XYLT1: variants seen among roughly 807,000 people sequenced by gnomAD.
The protein encoded by XYLT1 is beta-D-xylosyltransferase 1.
XYLT1 carries 36 observed loss-of-function variants against 91.3 expected under a neutral mutation model. The observed-to-expected ratio is 0.39, with a 90% confidence interval of 0.30 to 0.52. The LOEUF is 0.52. Among genes scored for constraint, XYLT1 ranks in the 20% least tolerant of loss-of-function variants. The pLI, the probability that XYLT1 is intolerant of heterozygous loss-of-function variation, is 0.68. For missense variants in XYLT1, 1,242 were observed against 1,284.5 expected (o/e 0.97, Z 0.51); for synonymous variants, 588 against 532.0 (o/e 1.11, Z -1.45).
rs565453869 is a variant in XYLT1, at chr16:17,402,172, T to G, written c.364-44122A>C. On this transcript the variant is annotated intron_variant, in intron 1 of 11. Transcript: ENST00000261381. ...ACACACACACACACACACAAAAAGT[T>G]AGCCAGGCATGGTGGTGCACACCTG... Among the ~76,000 whole-genome samples, 5 of 150,012 alleles carry G rather than the reference T, an allele frequency of 3.3e-5. No individual in the cohort carries two copies. The South Asian group carries it at 8.4e-4, about 25-fold the overall frequency.
At chr16:17,238,546 C>T (rs541219263) in intron 3 of XYLT1, among the ~76,000 whole-genome samples, 1 of 152,300 alleles carries the variant, frequency 6.6e-6, no homozygotes, top group East Asian at 1.9e-4. Context: ...TCTTTGGACC[C>T]AGGACCCCTG....
At chr16:17,421,943 T>C (rs1386572649) in intron 1 of XYLT1, among the ~76,000 whole-genome samples, 1 of 152,090 alleles carries the variant, frequency 6.6e-6, no homozygotes, top group East Asian at 1.9e-4. Flanking sequence ...GCTGAAGCAA[T>C]GTTCCCACCT....
intron 1 of XYLT1, among the ~76,000 whole-genome samples, chr16:17,412,311 C>T (rs951730621): frequency 2.0e-5 from 3 of 151,444 alleles, no homozygotes; most frequent in Non-Finnish European, 2.9e-5. Flanking sequence ...CAGAGGTATA[C>T]AGGGCAGAAC....
At chr16:17,224,110 TG>T (rs2033021342) in intron 3 of XYLT1, among the ~76,000 whole-genome samples, 1 of 152,050 alleles carries the variant, frequency 6.6e-6, no homozygotes, top group Non-Finnish European at 1.5e-5. Context: ...AAGTGGAAAA[TG>T]GAAAGGAAAT....
intron 3 of XYLT1, among the ~76,000 whole-genome samples, chr16:17,248,124 G>T (rs1321426715): frequency 6.6e-6 from 1 of 152,152 alleles, no homozygotes; most frequent in Admixed American, 6.5e-5. Context: ...AATCATGGGG[G>T]TGAGTTTTTC....
intron 1 of XYLT1, among the ~76,000 whole-genome samples, chr16:17,392,367 C>T (rs1304394800): frequency 6.6e-6 from 1 of 152,120 alleles, no homozygotes; most frequent in Non-Finnish European, 1.5e-5. Flanking sequence ...AGGTCTAGGG[C>T]CAAATGTCAC....
At chr16:17,416,154 CTG>C (rs1255306292) in intron 1 of XYLT1, among the ~76,000 whole-genome samples, 4 of 152,232 alleles carry the variant, frequency 2.6e-5, no homozygotes, top group African/African-American at 9.6e-5. Context: ...CACCCCTGGT[CTG>C]TACCCACTAA....
intron 1 of XYLT1, among the ~76,000 whole-genome samples, chr16:17,439,082 T>G (rs897753257): frequency 2.6e-5 from 4 of 152,214 alleles, no homozygotes; most frequent in African/African-American, 9.6e-5. Flanking sequence ...TAAATTCTGG[T>G]AAATACAGAA....
chr16:17,134,377 G>A, intron 9 of XYLT1, 96 bp downstream of exon 9: 1 of 1,491,940 alleles, frequency 6.7e-7, no homozygotes, highest in South Asian at 1.3e-5. Flanking sequence ...GCATTGCATT[G>A]CAGATCCCTA....
Position 17,393,824 on chromosome 16 carries a change from A to G in XYLT1, c.364-35774T>C, listed in dbSNP as rs181831454. On this transcript the variant is annotated intron_variant, in intron 1 of 11. Transcript: ENST00000261381. ...GGAGCCTTGCTCTGTCGCCCAGGCT[A>G]GAGTGCAGTGGCGCCATCTTGGCTC... is the stretch of plus-strand genomic sequence containing the variant. Among the ~76,000 whole-genome samples, 472 of 152,082 alleles carry G rather than the reference A, an allele frequency of 3.1e-3. 2 individuals are homozygous for G. Among genetic ancestry groups the G allele is most frequent in the Middle Eastern group, 6.8e-3 (2 of 294 alleles).
At chr16:17,397,590 C>G (rs1007690587) in intron 1 of XYLT1, among the ~76,000 whole-genome samples, 1 of 152,100 alleles carries the variant, frequency 6.6e-6, no homozygotes, top group Non-Finnish European at 1.5e-5. Context: ...CTGATGCTAT[C>G]AAAGGCCTCT....
intron 3 of XYLT1, among the ~76,000 whole-genome samples, chr16:17,222,543 A>T (rs1231456566): frequency 6.6e-6 from 1 of 152,198 alleles, no homozygotes; most frequent in Non-Finnish European, 1.5e-5. Context: ...TAATCCCAGC[A>T]CTTTGGGAGG....
intron 2 of XYLT1, among the ~76,000 whole-genome samples, chr16:17,281,304 C>T (rs2034055204): frequency 6.6e-6 from 1 of 151,114 alleles, no homozygotes; most frequent in Non-Finnish European, 1.5e-5. Flanking sequence ...GGACAGGTAC[C>T]AGAGCTGGAG....
At chr16:17,372,511 A>G (rs573531937) in intron 1 of XYLT1, among the ~76,000 whole-genome samples, 40 of 152,350 alleles carry the variant, frequency 2.6e-4, no homozygotes, top group African/African-American at 8.2e-4. Flanking sequence ...TGTGAGGACT[A>G]CAACTCTCCC....
chr16:17,229,980 T>A (rs907948690), intron 3 of XYLT1, among the ~76,000 whole-genome samples: 2 of 152,160 alleles, frequency 1.3e-5, no homozygotes, highest in African/African-American at 4.8e-5. Context: ...CACGTGCTGA[T>A]AGAGGCAGGG....
intron 1 of XYLT1, among the ~76,000 whole-genome samples, chr16:17,417,878 C>A (rs1357724428): frequency 6.6e-6 from 1 of 152,202 alleles, no homozygotes; most frequent in Non-Finnish European, 1.5e-5. Context: ...CTCTTGGAAC[C>A]CAGCCACCAT....
At chr16:17,361,891 A>T (rs555974135) in intron 1 of XYLT1, among the ~76,000 whole-genome samples, 2 of 152,340 alleles carry the variant, frequency 1.3e-5, no homozygotes, top group South Asian at 4.1e-4. Context: ...TTAAGTTCTC[A>T]CTATGTTCCA....
intron 2 of XYLT1, among the ~76,000 whole-genome samples, chr16:17,322,067 G>A (rs1411097603): frequency 1.3e-5 from 2 of 152,098 alleles, no homozygotes; most frequent in Non-Finnish European, 2.9e-5. Flanking sequence ...ACCAAACAAT[G>A]GCTTACAACA....
intron 2 of XYLT1, among the ~76,000 whole-genome samples, chr16:17,341,085 C>T (rs1233819664): frequency 6.6e-6 from 1 of 152,096 alleles, no homozygotes; most frequent in Non-Finnish European, 1.5e-5. Context: ...CCTCATAGGA[C>T]AATATAAAAT....
Sources: gnomAD v4.1 joint callset for allele counts (sites outside exome capture counted in the v4.1 genomes callset) on GRCh38, gnomAD v4.1.1 for gene constraint, MANE v1.5 for transcripts, NCBI Gene and HGNC (gene_info 2026-07-23, HGNC 2026-07-21) for gene names.